LTBP1: variants seen among roughly 807,000 people sequenced by gnomAD.
LTBP1 encodes the protein latent transforming growth factor beta binding protein 1.
LTBP1 carries 129 observed loss-of-function variants against 207.6 expected under a neutral mutation model. The observed-to-expected ratio is 0.62, with a 90% CI of 0.54 to 0.72. The LOEUF (loss-of-function observed/expected upper bound fraction) is 0.72, where lower values mean the gene tolerates loss of function less well. Among genes scored for constraint, LTBP1 ranks in the 30% least tolerant of loss-of-function variants. The pLI, the probability that LTBP1 is intolerant of heterozygous loss-of-function variation, is 0.00. For missense variants in LTBP1, 2,281 were observed against 2,217.2 expected, an observed-to-expected ratio of 1.03 and a Z score of -0.58; for synonymous variants, 963 against 833.7, an observed-to-expected ratio of 1.16 and a Z score of -2.67.
chr2:32,999,537 C>G (rs1685782649), intron 2 of LTBP1, among the ~76,000 whole-genome samples: 1 of 133,568 alleles, frequency 7.5e-6, no homozygotes, highest in African/African-American at 2.6e-5. Context: ...TTCCACCATC[C>G]CAGAATGTGA....
rs1676939599 is a variant in LTBP1, at chr2:32,950,534, G to T, written c.565+1589G>T. On this transcript the variant is annotated intron_variant, in intron 2 of 33. Coordinates refer to ENST00000404816, the MANE Select transcript of LTBP1 (RefSeq NM_206943.4). ...AGATCGCTCCACTGCACTCCAGCCT[G>T]GGTGACAATGACTCTGTCTCAAAAA... 2.7e-5 allele frequency among the ~76,000 whole-genome samples: 4 copies of T among 146,234 alleles called. No homozygotes were observed. In the Admixed American group the frequency reaches 2.8e-4, roughly 10 times the overall value.
At chr2:33,095,569 A>G (rs955155328) in intron 3 of LTBP1, among the ~76,000 whole-genome samples, 1 of 152,134 alleles carries the variant, frequency 6.6e-6, no homozygotes, top group Non-Finnish European at 1.5e-5. Flanking sequence ...TAACCATGAG[A>G]AGAAGAGGAA....
intron 25 of LTBP1, among the ~76,000 whole-genome samples, chr2:33,346,349 G>T (rs1322544898): frequency 6.6e-6 from 1 of 152,132 alleles, no homozygotes; most frequent in Non-Finnish European, 1.5e-5. Context: ...TTAATTCTGT[G>T]GTTACTGAAG....
At chr2:33,069,182 T>C (rs892191583) in intron 3 of LTBP1, among the ~76,000 whole-genome samples, 2 of 152,118 alleles carry the variant, frequency 1.3e-5, no homozygotes, top group Non-Finnish European at 2.9e-5. Context: ...TTGTTAGGTA[T>C]CCCTGGTACC....
chr2:33,190,027 CAAAAG>C (rs1381739165), intron 7 of LTBP1, among the ~76,000 whole-genome samples: 2 of 151,418 alleles, frequency 1.3e-5, no homozygotes, highest in African/African-American at 4.9e-5. Context: ...GACTCTGTCT[CAAAAG>C]AAAGAAAAAA....
Position 32,947,472 on chromosome 2 carries a change from C to A in LTBP1, c.148C>A (p.Arg50Ser). ...AGALPLSGPPRSRTFNVALNA... is the reference protein window; with the variant it reads ...AGALPLSGPPSSRTFNVALNA... ...CGCCTTGCCCCTGAGCGGGCCCCCG[C>A]GTTCGCGGACATTCAACGTCGCGCT... The change falls in exon 1 of 34, where the codon CGT (arginine) becomes AGT (serine). Residue 50 changes from arginine to serine, a missense_variant. Coordinates refer to ENST00000404816, the MANE Select transcript of LTBP1 (RefSeq NM_206943.4). 6.9e-7 allele frequency: 1 copy of A among 1,446,188 alleles called. No homozygotes were observed. Among genetic ancestry groups the A allele is most frequent in the East Asian group, 3.1e-5 (1 of 32,446 alleles). 89.6% of individuals were successfully genotyped at this position (1,446,188 alleles called of 1,614,324 possible). A position where few individuals can be genotyped will look rare whatever the true frequency, so the allele number is the denominator to read the frequency against.
At chr2:33,146,201 G>A (rs1212908846) in intron 5 of LTBP1, among the ~76,000 whole-genome samples, 1 of 152,188 alleles carries the variant, frequency 6.6e-6, no homozygotes, top group African/African-American at 2.4e-5. Flanking sequence ...TGCAGTGGTG[G>A]CTGAGTTTGA....
At chr2:33,094,133 T>C (rs2079258302) in intron 3 of LTBP1, among the ~76,000 whole-genome samples, 1 of 152,174 alleles carries the variant, frequency 6.6e-6, no homozygotes, top group African/African-American at 2.4e-5. Flanking sequence ...ATTTACAATT[T>C]TTTTATTAAT....
chr2:33,229,028 A>G (rs529091467), intron 9 of LTBP1, among the ~76,000 whole-genome samples: 28 of 152,160 alleles, frequency 1.8e-4, no homozygotes, highest in African/African-American at 6.5e-4. Context: ...CATACCACCT[A>G]TGGCCACCTT....
intron 24 of LTBP1, among the ~76,000 whole-genome samples, chr2:33,338,044 A>T (rs948482636): frequency 1.3e-5 from 2 of 152,270 alleles, no homozygotes; most frequent in African/African-American, 4.8e-5. Flanking sequence ...TGTAGAGGTC[A>T]TTAAAGTGAA....
chr2:33,335,759 T>A (rs367886347), intron 24 of LTBP1, among the ~76,000 whole-genome samples: 2 of 152,194 alleles, frequency 1.3e-5, no homozygotes, highest in South Asian at 2.1e-4. Context: ...TGGCTGAGAT[T>A]TACTCTCTCC....
intron 26 of LTBP1, among the ~76,000 whole-genome samples, chr2:33,357,287 C>T (rs1038910331): frequency 2.0e-5 from 3 of 152,198 alleles, no homozygotes; most frequent in Admixed American, 6.5e-5. Context: ...CCTTCCTATT[C>T]AGAGCCAGGG....
intron 3 of LTBP1, among the ~76,000 whole-genome samples, chr2:33,062,566 G>A (rs1466662130): frequency 5.3e-5 from 8 of 152,034 alleles, no homozygotes; most frequent in Non-Finnish European, 8.8e-5. Context: ...TCTTTTCTCC[G>A]TTGGAATGCT....
chr2:33,054,924 A>G (rs1444023336), intron 3 of LTBP1, among the ~76,000 whole-genome samples: 1 of 152,118 alleles, frequency 6.6e-6, no homozygotes, highest in Non-Finnish European at 1.5e-5. Flanking sequence ...GGCATAGTGG[A>G]CATGGACGAG....
At chr2:33,107,354 G>T (rs1054804321) in intron 3 of LTBP1, among the ~76,000 whole-genome samples, 2 of 152,060 alleles carry the variant, frequency 1.3e-5, no homozygotes, top group Non-Finnish European at 2.9e-5. Context: ...CAACAGTCAG[G>T]GTTTCTCGGT....
At position 32,947,205 on chromosome 2, in the gene LTBP1, C is replaced by A; in HGVS notation, c.-120C>A. Reference sequence around the variant, plus strand: ...CCTCGCCACCGACTTGGTCTCCTCCCGCCTTTCCCGGGCTCTCGGCAGCTC... The same window carrying A: ...CCTCGCCACCGACTTGGTCTCCTCCAGCCTTTCCCGGGCTCTCGGCAGCTC... On this transcript the variant is annotated 5_prime_UTR_variant, in exon 1 of 34. Transcript: ENST00000404816. 1 of 758,172 alleles carries A rather than the reference C, an allele frequency of 1.3e-6. No homozygotes were observed. Among genetic ancestry groups the A allele is most frequent in the South Asian group, 6.6e-5 (1 of 15,106 alleles). The allele number at this position is 758,172 out of a possible 1,614,324, so 47.0% of individuals were successfully genotyped here.
At chr2:32,998,857 G>T (rs940055370) in intron 2 of LTBP1, among the ~76,000 whole-genome samples, 1 of 152,186 alleles carries the variant, frequency 6.6e-6, no homozygotes, top group African/African-American at 2.4e-5. Context: ...CACATCCACA[G>T]TCTCCAGATC....
At chr2:32,998,821 A>G (rs1269609526) in intron 2 of LTBP1, among the ~76,000 whole-genome samples, 1 of 152,140 alleles carries the variant, frequency 6.6e-6, no homozygotes, top group Non-Finnish European at 1.5e-5. Context: ...CCTCACCAGA[A>G]CCTGACTATG....
intron 20 of LTBP1, among the ~76,000 whole-genome samples, chr2:33,298,734 A>T (rs1373309004): frequency 1.3e-5 from 2 of 152,228 alleles, no homozygotes; most frequent in African/African-American, 4.8e-5. Flanking sequence ...AATTATTTAT[A>T]AATCAAAGAG....
Sources: allele counts gnomAD v4.1 joint callset (sites outside exome capture counted in the v4.1 genomes callset), GRCh38; gene constraint gnomAD v4.1.1; transcripts MANE v1.5; gene names NCBI Gene and HGNC (gene_info 2026-07-23, HGNC 2026-07-21).